Variants in XPNPEP3 observed in about 807,000 individuals in gnomAD.
XPNPEP3 encodes the protein xaa-Pro aminopeptidase 3.
A neutral mutation model predicts 60.0 loss-of-function variants in XPNPEP3; 41 were observed. The observed-to-expected ratio is 0.68, with a 90% CI of 0.53 to 0.89. The LOEUF is 0.89. XPNPEP3 is among the 40% of genes least tolerant of loss of function. The probability of loss-of-function intolerance (pLI) is 0.00; values close to 1 mark genes in which losing one functional copy is unlikely to be tolerated. For missense variants in XPNPEP3, 598 were observed against 638.9 expected (o/e 0.94, Z 0.69); for synonymous variants, 212 against 223.2 (o/e 0.95, Z 0.45).
intron 6 of XPNPEP3, among the ~76,000 whole-genome samples, chr22:40,909,772 C>CTAAA (rs199688446): frequency 9.0e-4 from 136 of 151,454 alleles, no homozygotes; most frequent in African/African-American, 2.4e-3. Flanking sequence ...GACTCTGTCT[C>CTAAA]TAAATAAATA....
rs759227329 is a variant in XPNPEP3, at chr22:40,922,515, TACTTC to T, written c.1236+8_1236+12del. The T allele has an allele frequency of 3.4e-5, 55 of 1,613,710 alleles. No homozygotes were observed. Among genetic ancestry groups the T allele is most frequent in the Non-Finnish European group, 4.3e-5 (51 of 1,179,944 alleles). On this transcript the variant is annotated splice_donor_5th_base_variant and intron_variant, in intron 8 of 9. Transcript: ENST00000357137. ...ATTAAGGAAAATAATGCCTTCAAGG[TACTTC>T]ACTTCTCTTGACCCCAGTTCTCAAG...
At chr22:40,861,099 T>G (rs747438603) in intron 1 of XPNPEP3, 1 of 1,608,694 alleles carries the variant, frequency 6.2e-7, no homozygotes, top group Non-Finnish European at 8.5e-7. Flanking sequence ...CTTTTGCACC[T>G]CTTTACGCTT....
In XPNPEP3 at chr22:40,929,082, C is replaced by G. The variant is rs2058245552; in HGVS notation, c.*2647C>G. On this transcript the variant is annotated 3_prime_UTR_variant, in exon 10 of 10. Coordinates refer to ENST00000357137, the MANE Select transcript of XPNPEP3 (RefSeq NM_022098.4). ...CTCCACAGCTCTGGCTGCTCACTTCCCAGGCTCTGTGCCCCCAACAGCCCT... is the reference window on the plus strand; with the variant it reads ...CTCCACAGCTCTGGCTGCTCACTTCGCAGGCTCTGTGCCCCCAACAGCCCT... 6.6e-6 allele frequency: 1 copy of G among 152,200 alleles called. No homozygotes were observed. The highest frequency in any genetic ancestry group is 1.5e-5 in the Non-Finnish European group (1 of 68,048). 9.4% of individuals were successfully genotyped at this position (152,200 alleles called of 1,614,324 possible). A position where few individuals can be genotyped will look rare whatever the true frequency, so the allele number is the denominator to read the frequency against.
intron 2 of XPNPEP3, among the ~76,000 whole-genome samples, chr22:40,877,762 A>G (rs12169249): frequency 0.044 from 6,743 of 152,242 alleles, 482 homozygotes; most frequent in African/African-American, 0.15. Flanking sequence ...ATATAGTTTT[A>G]TCAGAAGAAA....
At chr22:40,897,460 AC>A (rs1472475668) in intron 4 of XPNPEP3, among the ~76,000 whole-genome samples, 1 of 150,406 alleles carries the variant, frequency 6.6e-6, no homozygotes, top group Non-Finnish European at 1.5e-5. Flanking sequence ...TGGGGTATAT[AC>A]CCAGAAGTAG....
chr22:40,894,448 C>T (rs1163307970), intron 4 of XPNPEP3, among the ~76,000 whole-genome samples: 2 of 152,124 alleles, frequency 1.3e-5, no homozygotes, highest in East Asian at 3.8e-4. Flanking sequence ...ACAGTGGTTA[C>T]TGCAGTCAAG....
chr22:40,899,380 C>T (rs528812079), intron 4 of XPNPEP3, among the ~76,000 whole-genome samples: 1 of 152,164 alleles, frequency 6.6e-6, no homozygotes, highest in Non-Finnish European at 1.5e-5. Context: ...TCAGAATTCC[C>T]TCCCAATCCA....
At chr22:40,909,484 G>A (rs1359400838) in intron 6 of XPNPEP3, among the ~76,000 whole-genome samples, 1 of 152,102 alleles carries the variant, frequency 6.6e-6, no homozygotes, top group African/African-American at 2.4e-5. Flanking sequence ...AACAACATAG[G>A]CCAGGCATGG....
intron 3 of XPNPEP3, among the ~76,000 whole-genome samples, chr22:40,884,740 A>T (rs1054867796): frequency 7.9e-5 from 12 of 151,458 alleles, no homozygotes; most frequent in Admixed American, 4.6e-4. Flanking sequence ...AAATTACAAC[A>T]ATTGGCCGGG....
chr22:40,861,956 A>C, intron 1 of XPNPEP3: 1 of 1,610,108 alleles, frequency 6.2e-7, no homozygotes, highest in Non-Finnish European at 8.5e-7. Flanking sequence ...CAGGTGAAGC[A>C]TATCTTTGCA....
At position 40,861,756 on chromosome 22, in the gene XPNPEP3, A is replaced by G. The variant is rs886792677; in HGVS notation, c.64+4511A>G. 8 of 1,613,326 alleles carry G rather than the reference A, an allele frequency of 5.0e-6. No homozygotes were observed. In the African/African-American group the frequency reaches 8.0e-5, roughly 16 times the overall value. ...GAAGCCGTACTCACATTCATCATCA[A>G]AATGACTTCCACCTCCGTTTAATCC... On this transcript the variant is annotated intron_variant, in intron 1 of 9. Transcript: ENST00000357137.
At chr22:40,915,122 G>C (rs932741195) in intron 7 of XPNPEP3, among the ~76,000 whole-genome samples, 3 of 149,948 alleles carry the variant, frequency 2.0e-5, no homozygotes, top group African/African-American at 7.4e-5. Flanking sequence ...CATGATCTCG[G>C]CTCACTGCTA....
chr22:40,909,090 C>G (rs375696838), intron 5 of XPNPEP3, 32 bp from the exon 6 acceptor site: 5 of 1,601,912 alleles, frequency 3.1e-6, no homozygotes, highest in African/African-American at 2.7e-5. Flanking sequence ...CTACAGAAAC[C>G]CTTTGTCATA....
At chr22:40,924,048 T>C (rs1237054909) in intron 8 of XPNPEP3, among the ~76,000 whole-genome samples, 15 of 152,158 alleles carry the variant, frequency 9.9e-5, no homozygotes, top group Non-Finnish European at 1.5e-5. Context: ...TTTATTTTTA[T>C]CTTTCCTGTG....
At position 40,857,274 on chromosome 22, in the gene XPNPEP3, C is replaced by A. The variant is rs749305825; in HGVS notation, c.64+29C>A. On this transcript the variant is annotated intron_variant, in intron 1 of 9. Transcript: ENST00000357137. ...AGACTCTTCTCCCACGGTCTCCTCC[C>A]ATGGTGTCCCCTGGAGGGACCCAAG... is the stretch of plus-strand genomic sequence containing the variant. 5 of 1,613,128 alleles carry A rather than the reference C, an allele frequency of 3.1e-6. No individual in the cohort carries two copies. The Admixed American group carries it at 8.3e-5, about 27-fold the overall frequency.
intron 4 of XPNPEP3, 107 bp downstream of exon 4, chr22:40,886,622 G>A (rs1271467117): frequency 2.5e-5 from 25 of 998,344 alleles, no homozygotes; most frequent in South Asian, 1.1e-4. Flanking sequence ...TCAGGAGATC[G>A]AGACCATCCT....
chr22:40,898,402 C>T (rs914699676), intron 4 of XPNPEP3, among the ~76,000 whole-genome samples: 3 of 139,318 alleles, frequency 2.2e-5, no homozygotes, highest in African/African-American at 3.1e-5. Flanking sequence ...TACAGGCGCC[C>T]GCCACCGCGC....
At chr22:40,912,793 C>G (rs1220149833) in intron 6 of XPNPEP3, among the ~76,000 whole-genome samples, 1 of 152,062 alleles carries the variant, frequency 6.6e-6, no homozygotes, top group Non-Finnish European at 1.5e-5. Context: ...TCGCTGGAAC[C>G]CAGGAGGCAG....
chr22:40,883,534 T>A (rs898935250), intron 3 of XPNPEP3, among the ~76,000 whole-genome samples: 6 of 152,088 alleles, frequency 3.9e-5, no homozygotes, highest in Non-Finnish European at 5.9e-5. Flanking sequence ...AATTTTTTTT[T>A]ATTTTTTTGT....
Sources: gnomAD v4.1 joint callset for allele counts (sites outside exome capture counted in the v4.1 genomes callset) on GRCh38, gnomAD v4.1.1 for gene constraint, MANE v1.5 for transcripts, NCBI Gene and HGNC (gene_info 2026-07-23, HGNC 2026-07-21) for gene names.